The following CDK6 variants were observed in gnomAD, a reference collection of about 807,000 sequenced individuals.
The protein encoded by CDK6 is cyclin-dependent kinase 6.
In CDK6, 6 loss-of-function variants were observed where a neutral mutation model predicts 37.1. The ratio of observed to expected loss-of-function variants is 0.16; its 90% confidence interval spans 0.09 to 0.32. The LOEUF is 0.32. Ranked by LOEUF, CDK6 falls within the 10% of genes least tolerant of loss-of-function variation. The pLI is 1.00. For synonymous variants in CDK6, 160 were observed against 161.3 expected (o/e 0.99, Z 0.06); for missense variants, 224 against 418.9 (o/e 0.53, Z 4.06).
In CDK6 at chr7:92,658,422, G is replaced by A. The variant is rs370999646; in HGVS notation, c.647+13004C>T. On this transcript the variant is annotated intron_variant, in intron 5 of 7. Coordinates refer to ENST00000424848, the MANE Select transcript of CDK6 (RefSeq NM_001145306.2). The stretch of plus-strand genomic sequence containing the variant: ...TAAATGAACTGACAGTTATTAATCT[G>A]TTTAAAAATGAGTTAAATCTCTAGG... 3.3e-4 allele frequency among the ~76,000 whole-genome samples: 50 copies of A among 152,224 alleles called. No homozygotes were observed. In the South Asian group the frequency reaches 0.01, roughly 32 times the overall value.
intron 2 of CDK6, among the ~76,000 whole-genome samples, chr7:92,805,767 T>C (rs982393073): frequency 1.3e-5 from 2 of 152,232 alleles, no homozygotes; most frequent in Non-Finnish European, 2.9e-5. Context: ...ATGAACCTTG[T>C]TCCCCCCGTA....
chr7:92,669,782 T>C (rs1284857261), intron 5 of CDK6, among the ~76,000 whole-genome samples: 1 of 152,248 alleles, frequency 6.6e-6, no homozygotes, highest in Non-Finnish European at 1.5e-5. Context: ...GCCAGACTTT[T>C]AAAGACTGCC....
chr7:92,701,648 G>C (rs1305366794), intron 4 of CDK6: 1 of 152,400 alleles, frequency 6.6e-6, no homozygotes, highest in African/African-American at 2.4e-5. Flanking sequence ...CTTGTGATCC[G>C]CCCGCCTGGG....
chr7:92,623,985 T>C (rs182580700), intron 5 of CDK6, among the ~76,000 whole-genome samples: 144 of 152,268 alleles, frequency 9.5e-4, no homozygotes, highest in African/African-American at 3.2e-3. Context: ...AGGTATCATA[T>C]CTCTTTTTAT....
chr7:92,816,766 A>G (rs1801040465), intron 2 of CDK6, among the ~76,000 whole-genome samples: 1 of 152,052 alleles, frequency 6.6e-6, no homozygotes. Flanking sequence ...AAAATTAATG[A>G]AACAAAAAAC....
rs1321157616 is a variant in CDK6 at position 92,833,477 on chromosome 7, T to G, written c.-154A>C. The G allele has an allele frequency of 1.7e-6, 1 of 587,242 alleles. No individual in the cohort carries two copies. 36.4% of individuals were successfully genotyped at this position (587,242 alleles called of 1,614,324 possible). On this transcript the variant is annotated 5_prime_UTR_variant, in exon 2 of 8. Coordinates refer to ENST00000424848, the MANE Select transcript of CDK6 (RefSeq NM_001145306.2). The surrounding 1 kb of genome is among the most constrained non-coding windows in gnomAD (Gnocchi z 6.1). The stretch of plus-strand genomic sequence containing the variant: ...GCTCAGGCGCTCGGGCGCTGGGGCT[T>G]TCGCCGCTGCAGAAGCTGGATGGAG...
chr7:92,687,261 C>T (rs923313198), intron 4 of CDK6, among the ~76,000 whole-genome samples: 48 of 152,322 alleles, frequency 3.2e-4, no homozygotes, highest in East Asian at 9.6e-4. Flanking sequence ...CTGCTTCCAT[C>T]TCTGTTACCC....
intron 5 of CDK6, among the ~76,000 whole-genome samples, chr7:92,634,934 G>A (rs1348604516): frequency 7.9e-5 from 12 of 152,148 alleles, no homozygotes; most frequent in Non-Finnish European, 1.5e-5. Flanking sequence ...GACATGTGGG[G>A]GGATGTAGTA....
rs397891071 is a variant in CDK6 at position 92,764,139 on chromosome 7, C to CTTT, written c.369+10554_369+10556dup. ...ATGGTAGTAGCCAAGGTTTATTTGT[C>CTTT]TTTTTTTTTTTTTTTGAGGCAAGGT... On this transcript the variant is annotated intron_variant, in intron 3 of 7. Coordinates refer to ENST00000424848, the MANE Select transcript of CDK6 (RefSeq NM_001145306.2). Among the ~76,000 whole-genome samples the CTTT allele has an allele frequency of 1.4e-3, 198 of 140,474 alleles. 1 individual carries two copies. The highest frequency in any genetic ancestry group is 5.0e-3 in the African/African-American group (192 of 38,580). 92.2% of individuals were successfully genotyped at this position (140,474 alleles called of 152,430 possible).
chr7:92,761,616 TA>T (rs953198512), intron 3 of CDK6, among the ~76,000 whole-genome samples: 1 of 152,210 alleles, frequency 6.6e-6, no homozygotes, highest in African/African-American at 2.4e-5. Context: ...TAGAGTTCCT[TA>T]AAAAAACTGT....
At chr7:92,830,129 G>A (rs546594266) in intron 2 of CDK6, among the ~76,000 whole-genome samples, 128 of 152,292 alleles carry the variant, frequency 8.4e-4, no homozygotes, top group African/African-American at 3.0e-3. Flanking sequence ...TTCTGGCAAA[G>A]GTTCCAGGAT....
At chr7:92,722,839 G>A (rs563518980) in intron 4 of CDK6, among the ~76,000 whole-genome samples, 1 of 152,264 alleles carries the variant, frequency 6.6e-6, no homozygotes, top group South Asian at 2.1e-4. Context: ...TGCCTTCGAG[G>A]AACTTATGGC....
intron 5 of CDK6, among the ~76,000 whole-genome samples, chr7:92,628,233 G>A (rs1038234974): frequency 1.3e-5 from 2 of 151,884 alleles, no homozygotes; most frequent in South Asian, 2.1e-4. Context: ...TTTGCTTTCT[G>A]CATTTTTCTA....
intron 6 of CDK6, among the ~76,000 whole-genome samples, chr7:92,622,168 C>A (rs548278486): frequency 3.7e-4 from 56 of 151,896 alleles, no homozygotes; most frequent in South Asian, 6.2e-4. Context: ...ACACAAAAAA[C>A]CAAAAAAGGA....
At chr7:92,726,797 T>C (rs568205227) in intron 3 of CDK6, among the ~76,000 whole-genome samples, 1 of 152,320 alleles carries the variant, frequency 6.6e-6, no homozygotes, top group South Asian at 2.1e-4. Flanking sequence ...TGTATTCCTT[T>C]ATCAAATCAA....
chr7:92,695,239 G>C (rs1797687218), intron 4 of CDK6, among the ~76,000 whole-genome samples: 1 of 149,170 alleles, frequency 6.7e-6, no homozygotes, highest in Non-Finnish European at 1.5e-5. Flanking sequence ...AAGTCTCATA[G>C]CTTCTTTGTT....
intron 4 of CDK6, among the ~76,000 whole-genome samples, chr7:92,703,902 G>A (rs1427348711): frequency 1.3e-5 from 2 of 152,160 alleles, no homozygotes; most frequent in African/African-American, 4.8e-5. Context: ...GTCCCCCACA[G>A]AGGGGCCTCA....
At chr7:92,782,230 A>G (rs1416707304) in intron 2 of CDK6, among the ~76,000 whole-genome samples, 1 of 152,242 alleles carries the variant, frequency 6.6e-6, no homozygotes, top group Non-Finnish European at 1.5e-5. Flanking sequence ...ATGGCTATGT[A>G]TTAGTACCAA....
chr7:92,719,623 A>G (rs1256050048), intron 4 of CDK6, among the ~76,000 whole-genome samples: 1 of 152,248 alleles, frequency 6.6e-6, no homozygotes, highest in Non-Finnish European at 1.5e-5. Context: ...CCATTATGGT[A>G]CAAAGAGGAA....
Sources: allele counts gnomAD v4.1 joint callset (sites outside exome capture counted in the v4.1 genomes callset), GRCh38; gene constraint gnomAD v4.1.1; non-coding constraint Gnocchi (gnomAD v3.1); transcripts MANE v1.5; gene names NCBI Gene and HGNC (gene_info 2026-07-23, HGNC 2026-07-21).